Variants in CDC42EP5 observed in about 807,000 individuals in gnomAD.
CDC42EP5 encodes CDC42 effector protein 5.
For synonymous variants in CDC42EP5, 118 were observed against 123.3 expected, an observed-to-expected ratio of 0.96 and a Z score of 0.28; for missense variants, 269 against 238.0, an observed-to-expected ratio of 1.13 and a Z score of -0.86.
chr19:54,465,027 CG>C lies in CDC42EP5; in HGVS notation c.*73del. The C allele has an allele frequency of 8.4e-7, 1 of 1,194,912 alleles. No homozygotes were observed. The allele number at this position is 1,194,912 out of a possible 1,614,324, so 74.0% of individuals were successfully genotyped here. On this transcript the variant is annotated 3_prime_UTR_variant, in exon 3 of 3. Coordinates refer to ENST00000301200, the MANE Select transcript of CDC42EP5 (RefSeq NM_145057.4). ...ACGTGCAAAGTGAAAAGTCAGAGCC[CG>C]GGCACACACCTTGGCCGTTTATGTA...
chr19:54,466,933 CTTT>C (rs57592448), intron 2 of CDC42EP5, among the ~76,000 whole-genome samples: 4 of 131,138 alleles, frequency 3.1e-5, no homozygotes, highest in East Asian at 2.4e-4. Flanking sequence ...TGTACCTGAT[CTTT>C]TTTTTTTTTT....
At chr19:54,467,846 G>A (rs147312640) in intron 2 of CDC42EP5, among the ~76,000 whole-genome samples, 32 of 152,146 alleles carry the variant, frequency 2.1e-4, no homozygotes, top group East Asian at 7.7e-4. Context: ...AAATAGAAAC[G>A]CAGCCACAGA....
Position 54,465,343 on chromosome 19 carries a change from G to C in CDC42EP5, c.205C>G (p.Arg69Gly), listed in dbSNP as rs2084734331. 10 of 1,167,570 alleles carry C rather than the reference G, an allele frequency of 8.6e-6. No individual in the cohort carries two copies. The highest frequency in any genetic ancestry group is 9.5e-6 in the Non-Finnish European group (9 of 946,742). The allele number at this position is 1,167,570 out of a possible 1,614,324, so 72.3% of individuals were successfully genotyped here. A position where few individuals can be genotyped will look rare whatever the true frequency, so the allele number is the denominator to read the frequency against. The change falls in exon 3 of 3, where the codon CGC becomes GGC. Residue 69 changes from arginine (R) to glycine (G), a missense_variant. Physicochemically the swap from Arg to Gly is moderately radical, Grantham distance 125. Transcript: ENST00000301200. ...GGGACGGCGGGCGGCGGCGGGGAGC[G>C]CGGGGCCCCCGCGGGGGGCGCCCGG... Reference protein sequence around the residue: ...EPRAPPAGAPRSPPPPAVPQS... With the variant: ...EPRAPPAGAPGSPPPPAVPQS...
chr19:54,468,922 T>TCCTTCCTTCCTTCCTTC (rs1491162621), intron 2 of CDC42EP5, among the ~76,000 whole-genome samples: 122 of 148,610 alleles, frequency 8.2e-4, no homozygotes, highest in African/African-American at 2.7e-3. Context: ...CTTCCTTCCT[T>TCCTTCCTTCCTTCCTTC]CTTTCTTTCT....
chr19:54,473,260 C>T lies in CDC42EP5; in HGVS notation c.-338G>A. 1 of 152,014 alleles carries T rather than the reference C, an allele frequency of 6.6e-6. No homozygotes were observed. Among genetic ancestry groups the T allele is most frequent in the Non-Finnish European group, 1.5e-5 (1 of 68,896 alleles). The allele number at this position is 152,014 out of a possible 1,614,324, so 9.4% of individuals were successfully genotyped here. ...GTGGAAAAGCTGAGGCCCCTCTGGG[C>T]GGAGTGTGGGGGCGGGAGGAGGCCA... On this transcript the variant is annotated 5_prime_UTR_variant, in exon 1 of 3. Coordinates refer to ENST00000301200, the MANE Select transcript of CDC42EP5 (RefSeq NM_145057.4).
chr19:54,465,315 T>TGCGGGACGGCGGGCG lies in CDC42EP5; in HGVS notation c.218_232dup (p.Pro73_Pro77dup). The TGCGGGACGGCGGGCG allele has an allele frequency of 8.3e-7, 1 of 1,211,052 alleles. No homozygotes were observed. Among genetic ancestry groups the TGCGGGACGGCGGGCG allele is most frequent in the Non-Finnish European group, 1.0e-6 (1 of 974,616 alleles). The allele number at this position is 1,211,052 out of a possible 1,614,324, so 75.0% of individuals were successfully genotyped here. A position where few individuals can be genotyped will look rare whatever the true frequency, so the allele number is the denominator to read the frequency against. ...GTCGGCAGGCGAGGGCGCTGCGGACTGCGGGACGGCGGGCGGCGGCGGGGA... is the reference window on the plus strand; with the variant it reads ...GTCGGCAGGCGAGGGCGCTGCGGACTGCGGGACGGCGGGCGGCGGGACGGCGGGCGGCGGCGGGGA... On this transcript the variant is annotated inframe_insertion, in exon 3 of 3. Coordinates refer to ENST00000301200, the MANE Select transcript of CDC42EP5 (RefSeq NM_145057.4).
intron 2 of CDC42EP5, among the ~76,000 whole-genome samples, chr19:54,465,760 C>G (rs1420640386): frequency 7.9e-5 from 12 of 152,136 alleles, no homozygotes; most frequent in Admixed American, 6.5e-4. Context: ...CTCAGTCTCC[C>G]GAGTAGCTGG....
intron 2 of CDC42EP5, among the ~76,000 whole-genome samples, chr19:54,466,166 G>C (rs2084755000): frequency 6.6e-6 from 1 of 152,130 alleles, no homozygotes; most frequent in African/African-American, 2.4e-5. Context: ...TGTTGGCCCG[G>C]GTGCGGTGGC....
chr19:54,470,387 GAAAAGGA>G (rs1449160870), intron 2 of CDC42EP5, among the ~76,000 whole-genome samples: 2 of 144,644 alleles, frequency 1.4e-5, no homozygotes, highest in Admixed American at 7.3e-5. Context: ...GAAAAGAAAA[GAAAAGGA>G]GAGAGAGAGA....
intron 2 of CDC42EP5, 41 bp downstream of exon 2, chr19:54,471,504 C>G (rs1029462423): frequency 6.6e-6 from 1 of 152,044 alleles, no homozygotes; most frequent in African/African-American, 2.4e-5. Flanking sequence ...CCTTTTCCCT[C>G]CCGACCGGGA....
chr19:54,465,544 G>T lies in CDC42EP5; in HGVS notation c.4C>A (p.Pro2Thr). 1 of 1,526,442 alleles carries T rather than the reference G, an allele frequency of 6.6e-7. No individual in the cohort carries two copies. Among genetic ancestry groups the T allele is most frequent in the Non-Finnish European group, 8.7e-7 (1 of 1,148,788 alleles). 94.6% of individuals were successfully genotyped at this position (1,526,442 alleles called of 1,614,324 possible). A position where few individuals can be genotyped will look rare whatever the true frequency, so the allele number is the denominator to read the frequency against. Residue 2 changes from proline (P) to threonine (T), a missense_variant, in exon 3 of 3, where the codon CCC becomes ACC. By Grantham distance (38) the Pro-to-Thr change is conservative. Coordinates refer to ENST00000301200, the MANE Select transcript of CDC42EP5 (RefSeq NM_145057.4). M[P>T]VLKQLGPAQP... The stretch of plus-strand genomic sequence containing the variant: ...GCGGGGCCCAGCTGCTTCAGCACGG[G>T]CATCTGCGAGGGGCACGGGAGGGTC...
chr19:54,470,395 G>C (rs2084818264), intron 2 of CDC42EP5, among the ~76,000 whole-genome samples: 1 of 144,986 alleles, frequency 6.9e-6, no homozygotes, highest in African/African-American at 2.6e-5. Context: ...AAGAAAAGGA[G>C]AGAGAGAGAG....
In CDC42EP5 at chr19:54,473,257, G is replaced by C. The variant is rs894261022; in HGVS notation, c.-335C>G. The C allele has an allele frequency of 1.3e-5, 2 of 153,970 alleles. No homozygotes were observed. The highest frequency in any genetic ancestry group is 2.9e-5 in the Non-Finnish European group (2 of 69,524). 9.5% of individuals were successfully genotyped at this position (153,970 alleles called of 1,614,324 possible). A position where few individuals can be genotyped will look rare whatever the true frequency, so the allele number is the denominator to read the frequency against. On this transcript the variant is annotated 5_prime_UTR_variant, in exon 1 of 3. Transcript: ENST00000301200. ...GTGGTGGAAAAGCTGAGGCCCCTCTGGGCGGAGTGTGGGGGCGGGAGGAGG... is the reference window on the plus strand; with the variant it reads ...GTGGTGGAAAAGCTGAGGCCCCTCTCGGCGGAGTGTGGGGGCGGGAGGAGG...
intron 2 of CDC42EP5, among the ~76,000 whole-genome samples, chr19:54,467,299 CA>C (rs997827014): frequency 7.1e-5 from 10 of 140,566 alleles, no homozygotes; most frequent in Non-Finnish European, 1.2e-4. Context: ...AAAAAAAATA[CA>C]AAATTAGCTG....
At position 54,465,245 on chromosome 19, in the gene CDC42EP5, G is replaced by A. The variant is rs1290622928; in HGVS notation, c.303C>T (p.Asp101=). The part of the protein sequence containing the change: ...FHLDLGPSML[D]AVLGVMDAAR... ...CCGCGTCCATGACGCCCAGCACCGCGTCCAGCATGGAGGGCCCCAGATCCA... is the reference window on the plus strand; with the variant it reads ...CCGCGTCCATGACGCCCAGCACCGCATCCAGCATGGAGGGCCCCAGATCCA... The change falls in exon 3 of 3, where the codon GAC becomes GAT. Residue 101 remains aspartate, a synonymous_variant. Coordinates refer to ENST00000301200, the MANE Select transcript of CDC42EP5 (RefSeq NM_145057.4). 7 of 1,426,130 alleles carry A rather than the reference G, an allele frequency of 4.9e-6. No homozygotes were observed. The highest frequency in any genetic ancestry group is 6.4e-6 in the Non-Finnish European group (7 of 1,092,318). The allele number at this position is 1,426,130 out of a possible 1,614,324, so 88.3% of individuals were successfully genotyped here.
intron 2 of CDC42EP5, 70 bp from the exon 3 acceptor site, chr19:54,465,617 C>G: frequency 7.4e-7 from 1 of 1,348,900 alleles, no homozygotes; most frequent in Non-Finnish European, 9.5e-7. Flanking sequence ...GCTCAAAGGA[C>G]GATGGGGGAC....
intron 2 of CDC42EP5, among the ~76,000 whole-genome samples, chr19:54,468,865 C>G (rs139275391): frequency 8.6e-4 from 97 of 112,954 alleles, no homozygotes; most frequent in African/African-American, 2.7e-3. Flanking sequence ...ACTTACTTGT[C>G]TTACAACGTG....
chr19:54,468,734 T>G (rs2084788072), intron 2 of CDC42EP5, among the ~76,000 whole-genome samples: 1 of 129,420 alleles, frequency 7.7e-6, no homozygotes, highest in Admixed American at 8.2e-5. Flanking sequence ...TTTTTTTTTG[T>G]AGAGATGGGG....
At chr19:54,469,553 T>G (rs2084807327) in intron 2 of CDC42EP5, among the ~76,000 whole-genome samples, 1 of 152,242 alleles carries the variant, frequency 6.6e-6, no homozygotes, top group African/African-American at 2.4e-5. Context: ...CCTCATTTCC[T>G]TATCTTGAAA....
Sources: allele counts gnomAD v4.1 joint callset (sites outside exome capture counted in the v4.1 genomes callset), GRCh38; gene constraint gnomAD v4.1.1; transcripts MANE v1.5; gene names NCBI Gene and HGNC (gene_info 2026-07-23, HGNC 2026-07-21).